The following ACYP2 variants were observed in gnomAD, a reference collection of about 807,000 sequenced individuals.
ACYP2 encodes the protein acylphosphatase-2.
Under a neutral mutation model 11.2 loss-of-function variants are expected in ACYP2, and 12 were observed. That is an observed-to-expected ratio of 1.08 (90% CI 0.69 to 1.74). ACYP2 has a LOEUF of 1.74. Ranked by LOEUF, ACYP2 falls within the 40% of genes most tolerant of loss-of-function variation. ACYP2 has a pLI of 0.00. For synonymous variants in ACYP2, 43 were observed against 32.2 expected, an observed-to-expected ratio of 1.33 and a Z score of -1.13; for missense variants, 134 against 101.9, an observed-to-expected ratio of 1.31 and a Z score of -1.35.
At chr2:53,976,207 CAT>C (rs1221416013) in intron 2 of ACYP2, among the ~76,000 whole-genome samples, 1 of 152,116 alleles carries the variant, frequency 6.6e-6, no homozygotes, top group Non-Finnish European at 1.5e-5. Context: ...TTGCCAGAAA[CAT>C]AATCTTTTTT....
chr2:54,218,379 C>T (rs1166218858), intron 6 of ACYP2, among the ~76,000 whole-genome samples: 1 of 152,180 alleles, frequency 6.6e-6, no homozygotes, highest in East Asian at 1.9e-4. Flanking sequence ...ATATTTCTTA[C>T]ATGAATCACA....
At chr2:54,068,171 A>C (rs2103642974) in intron 4 of ACYP2, among the ~76,000 whole-genome samples, 1 of 152,310 alleles carries the variant, frequency 6.6e-6, no homozygotes, top group East Asian at 1.9e-4. Flanking sequence ...TAGTTGGTTC[A>C]TCCCAGGAGA....
At chr2:54,026,411 G>T (rs762849886) in intron 2 of ACYP2, among the ~76,000 whole-genome samples, 5 of 151,846 alleles carry the variant, frequency 3.3e-5, no homozygotes, top group Non-Finnish European at 7.4e-5. Context: ...AAAAAAAATA[G>T]ATGTTGGCAT....
intron 4 of ACYP2, chr2:54,123,335 G>C (rs1680267917): frequency 5.0e-6 from 2 of 398,588 alleles, no homozygotes; most frequent in East Asian, 7.1e-5. Context: ...TTTTGGTATG[G>C]AGTGATAGGA....
At chr2:54,091,736 T>C (rs1678244515) in intron 4 of ACYP2, among the ~76,000 whole-genome samples, 1 of 152,102 alleles carries the variant, frequency 6.6e-6, no homozygotes, top group African/African-American at 2.4e-5. Context: ...GGTCTCGAAC[T>C]CCTGATGTCA....
At chr2:54,032,860 T>A (rs1042349878) in intron 2 of ACYP2, among the ~76,000 whole-genome samples, 1 of 151,996 alleles carries the variant, frequency 6.6e-6, no homozygotes, top group Non-Finnish European at 1.5e-5. Context: ...TGCTCGTGGA[T>A]AAAAAGAATC....
chr2:54,174,873 T>G (rs1417958706), intron 6 of ACYP2, among the ~76,000 whole-genome samples: 2 of 152,220 alleles, frequency 1.3e-5, no homozygotes, highest in South Asian at 4.1e-4. Flanking sequence ...ATCCCAGGGA[T>G]GAAGCCTACT....
chr2:54,292,320 G>T (rs949274239), intron 6 of ACYP2, among the ~76,000 whole-genome samples: 1 of 151,886 alleles, frequency 6.6e-6, no homozygotes, highest in Non-Finnish European at 1.5e-5. Context: ...TGTAGTTATT[G>T]AACTCTTATA....
At position 54,207,080 on chromosome 2, in the gene ACYP2, T is replaced by C. The variant is rs1685101903; in HGVS notation, c.404+68332T>C. Among the ~76,000 whole-genome samples the C allele has an allele frequency of 2.0e-5, 3 of 151,772 alleles. No individual in the cohort carries two copies. The South Asian group carries it at 6.2e-4, about 32-fold the overall frequency. On this transcript the variant is annotated intron_variant, in intron 6 of 6. Coordinates refer to ENST00000607452, the MANE Select transcript of ACYP2 (RefSeq NM_001320586.2). ...TATGTAGAGGGAAAGTATGTGTCTG[T>C]ATATATGTTTATATAGATATCTATA...
chr2:54,235,788 C>G (rs1686449877), intron 6 of ACYP2, among the ~76,000 whole-genome samples: 1 of 152,070 alleles, frequency 6.6e-6, no homozygotes, highest in Non-Finnish European at 1.5e-5. Flanking sequence ...TGACTGTATG[C>G]ACGTAATATG....
intron 6 of ACYP2, among the ~76,000 whole-genome samples, chr2:54,220,570 A>G (rs1315675552): frequency 1.3e-5 from 2 of 152,206 alleles, no homozygotes; most frequent in Admixed American, 1.3e-4. Flanking sequence ...CTCATCAAAT[A>G]GTAAAGATTT....
intron 6 of ACYP2, among the ~76,000 whole-genome samples, chr2:54,199,291 C>G (rs1684650331): frequency 6.6e-6 from 1 of 152,236 alleles, no homozygotes; most frequent in Admixed American, 6.5e-5. Context: ...ACCATACCCA[C>G]ATGGGGTCTT....
chr2:54,000,498 A>G (rs1672749651), intron 2 of ACYP2, among the ~76,000 whole-genome samples: 1 of 152,214 alleles, frequency 6.6e-6, no homozygotes, highest in African/African-American at 2.4e-5. Flanking sequence ...TTTCATTTAG[A>G]AAAACCTGTG....
chr2:54,175,792 C>G (rs1054153736), intron 6 of ACYP2, among the ~76,000 whole-genome samples: 2 of 152,122 alleles, frequency 1.3e-5, no homozygotes, highest in Admixed American at 1.3e-4. Flanking sequence ...CCTGAACTTG[C>G]GCTGTACACA....
intron 4 of ACYP2, among the ~76,000 whole-genome samples, chr2:54,082,379 G>A (rs540482568): frequency 6.6e-6 from 1 of 151,936 alleles, no homozygotes; most frequent in South Asian, 2.1e-4. Flanking sequence ...CTGAATAGCT[G>A]GGATTACAGG....
At chr2:54,005,882 T>C (rs1342105181) in intron 2 of ACYP2, among the ~76,000 whole-genome samples, 2 of 152,200 alleles carry the variant, frequency 1.3e-5, no homozygotes, top group Non-Finnish European at 2.9e-5. Context: ...AGAATTTTGA[T>C]TGGAATTGCA....
intron 6 of ACYP2, among the ~76,000 whole-genome samples, chr2:54,291,139 T>C (rs530734427): frequency 1.3e-5 from 2 of 152,298 alleles, no homozygotes; most frequent in East Asian, 3.9e-4. Context: ...TTTCAGTTAT[T>C]TTACTTGGGT....
At chr2:54,208,129 C>T (rs912774181) in intron 6 of ACYP2, among the ~76,000 whole-genome samples, 10 of 152,142 alleles carry the variant, frequency 6.6e-5, no homozygotes, top group Middle Eastern at 3.4e-3. Context: ...TTCAGTCACA[C>T]TCACCCTCTA....
At chr2:54,141,891 G>A (rs1388880713) in intron 6 of ACYP2, 3 of 641,028 alleles carry the variant, frequency 4.7e-6, no homozygotes, top group Admixed American at 2.1e-5. Context: ...AGGCTGGAGT[G>A]CAGTGGTCTG....
Sources: allele counts gnomAD v4.1 joint callset (sites outside exome capture counted in the v4.1 genomes callset), GRCh38; gene constraint gnomAD v4.1.1; transcripts MANE v1.5; gene names NCBI Gene and HGNC (gene_info 2026-07-23, HGNC 2026-07-21).